The following MAP9 variants were observed in gnomAD, a reference collection of about 807,000 sequenced individuals.
MAP9 encodes microtubule-associated protein 9.
Under a neutral mutation model 75.2 loss-of-function variants are expected in MAP9, and 80 were observed. That is an observed-to-expected ratio of 1.06 (90% CI 0.89 to 1.28). The LOEUF (loss-of-function observed/expected upper bound fraction) is 1.28, where lower values mean the gene tolerates loss of function less well. MAP9 is among the 50% of genes most tolerant of loss of function. The pLI is 0.00. For synonymous variants in MAP9, 235 were observed against 237.3 expected (o/e 0.99, Z 0.09); for missense variants, 753 against 719.9 (o/e 1.05, Z -0.53).
chr4:155,371,814 T>A (rs570346710), intron 4 of MAP9, among the ~76,000 whole-genome samples: 1 of 151,940 alleles, frequency 6.6e-6, no homozygotes, highest in Non-Finnish European at 1.5e-5. Flanking sequence ...CTCAGACAAA[T>A]TTTTAGTTGC....
At chr4:155,369,542 C>T (rs142910815) in intron 4 of MAP9, among the ~76,000 whole-genome samples, 2 of 152,200 alleles carry the variant, frequency 1.3e-5, no homozygotes, top group East Asian at 3.9e-4. Context: ...TCCATCAAGC[C>T]TTTGAGTACC....
At chr4:155,356,780 A>G (rs1731809669) in intron 8 of MAP9, among the ~76,000 whole-genome samples, 1 of 152,156 alleles carries the variant, frequency 6.6e-6, no homozygotes, top group Admixed American at 6.6e-5. Flanking sequence ...TCGCCTACAA[A>G]GCCTAAAATA....
chr4:155,360,728 T>C (rs1732037387), intron 6 of MAP9, among the ~76,000 whole-genome samples: 1 of 151,912 alleles, frequency 6.6e-6, no homozygotes. Flanking sequence ...ACAAACCAAG[T>C]AAGTGAGATG....
At chr4:155,371,093 T>C (rs1001646096) in intron 4 of MAP9, among the ~76,000 whole-genome samples, 3 of 152,146 alleles carry the variant, frequency 2.0e-5, no homozygotes, top group African/African-American at 7.2e-5. Flanking sequence ...TAAAAACATA[T>C]CCTGTGAAAA....
intron 13 of MAP9, among the ~76,000 whole-genome samples, chr4:155,350,579 T>C (rs987234528): frequency 3.9e-5 from 6 of 152,018 alleles, no homozygotes; most frequent in East Asian, 1.9e-4. Flanking sequence ...TTAATATAAG[T>C]GGACTTTAAA....
chr4:155,346,834 C>T lies in MAP9; in HGVS notation c.*949G>A, dbSNP rs950931666. ...AGTATGAGACCAGTTACTACGAGGA[C>T]ATGCAGAGATCAAATAAATAAATAA... On this transcript the variant is annotated 3_prime_UTR_variant, in exon 14 of 14. Coordinates refer to ENST00000311277, the MANE Select transcript of MAP9 (RefSeq NM_001039580.2). 6.6e-6 allele frequency: 1 copy of T among 152,526 alleles called. No individual in the cohort carries two copies. The highest frequency in any genetic ancestry group is 1.5e-5 in the Non-Finnish European group (1 of 68,028). 9.4% of individuals were successfully genotyped at this position (152,526 alleles called of 1,614,324 possible).
chr4:155,367,274 A>C (rs1387456637), intron 5 of MAP9: 1 of 152,252 alleles, frequency 6.6e-6, no homozygotes, highest in Non-Finnish European at 1.5e-5. Context: ...ACATGCAGAG[A>C]AAACACAGGG....
chr4:155,361,449 T>C (rs1732075397), intron 6 of MAP9: 1 of 152,076 alleles, frequency 6.6e-6, no homozygotes, highest in Admixed American at 6.6e-5. Context: ...GTCTTTTAGG[T>C]TTCATTAAGC....
chr4:155,367,413 C>T (rs886209223), intron 5 of MAP9: 7 of 152,218 alleles, frequency 4.6e-5, no homozygotes, highest in South Asian at 2.1e-4. Context: ...AGGATTCTTC[C>T]GTGATGCCTT....
intron 5 of MAP9, chr4:155,362,450 T>G (rs1036480331): frequency 2.0e-5 from 4 of 195,370 alleles, no homozygotes; most frequent in African/African-American, 9.3e-5. Flanking sequence ...ATCACATTTC[T>G]TATAAATATT....
Position 155,352,579 on chromosome 4 carries a change from T to C in MAP9, c.1821+17A>G. On this transcript the variant is annotated intron_variant, in intron 13 of 13. Coordinates refer to ENST00000311277, the MANE Select transcript of MAP9 (RefSeq NM_001039580.2). Reference sequence around the variant, plus strand: ...GTACATGAAAAAGACGAAAGTGCATTGACAAATAATACCTACCAGCCATTT... The same window carrying C: ...GTACATGAAAAAGACGAAAGTGCATCGACAAATAATACCTACCAGCCATTT... 6.4e-7 allele frequency: 1 copy of C among 1,570,732 alleles called. No homozygotes were observed. Among genetic ancestry groups the C allele is most frequent in the Non-Finnish European group, 8.6e-7 (1 of 1,159,516 alleles).
At chr4:155,349,464 A>G (rs948914301) in intron 13 of MAP9, 2 of 152,130 alleles carry the variant, frequency 1.3e-5, no homozygotes, top group African/African-American at 2.4e-5. Flanking sequence ...TTAGGTATGT[A>G]TGCATCTTTT....
At chr4:155,363,832 A>G (rs1015452151) in intron 5 of MAP9, among the ~76,000 whole-genome samples, 9 of 152,184 alleles carry the variant, frequency 5.9e-5, no homozygotes, top group East Asian at 1.9e-4. Flanking sequence ...AGGAAAAAAG[A>G]TTTAAGAAAT....
At chr4:155,354,409 A>T (rs1047235567) in intron 10 of MAP9, 1 of 152,138 alleles carries the variant, frequency 6.6e-6, no homozygotes, top group African/African-American at 2.4e-5. Flanking sequence ...ATAAAATTCA[A>T]GAGAGAAAAG....
intron 5 of MAP9, chr4:155,368,307 G>A (rs1476530612): frequency 3.7e-6 from 2 of 546,566 alleles, no homozygotes; most frequent in Non-Finnish European, 6.4e-6. Flanking sequence ...CTCTAAAACT[G>A]GATAAACTCT....
At chr4:155,372,428 T>C (rs1732641572) in intron 4 of MAP9, among the ~76,000 whole-genome samples, 1 of 152,230 alleles carries the variant, frequency 6.6e-6, no homozygotes, top group Non-Finnish European at 1.5e-5. Context: ...GCCCAGGGTA[T>C]GTGACAGGAC....
intron 13 of MAP9, among the ~76,000 whole-genome samples, chr4:155,352,141 T>C (rs778995362): frequency 6.6e-6 from 1 of 151,948 alleles, no homozygotes; most frequent in Non-Finnish European, 1.5e-5. Context: ...AATTCCTAAA[T>C]AAGAGATTCT....
rs559982232 is a variant in MAP9, at chr4:155,374,767, T to TA, written c.160+169dup. 8.2e-4 allele frequency among the ~76,000 whole-genome samples: 125 copies of TA among 152,290 alleles called. 3 individuals carry two copies. The South Asian group carries it at 0.025, about 31-fold the overall frequency. ...GAAAATCATACAACTTCCTGAAAAT[T>TA]AAGAGTGGCTTTCTACTAATTAAAA... On this transcript the variant is annotated intron_variant, in intron 3 of 13. Coordinates refer to ENST00000311277, the MANE Select transcript of MAP9 (RefSeq NM_001039580.2).
At chr4:155,350,128 C>A in intron 13 of MAP9, 2 of 296,618 alleles carry the variant, frequency 6.7e-6, no homozygotes, top group Non-Finnish European at 6.5e-6. Flanking sequence ...AAGCAATTAC[C>A]CACCAAATGC....
Sources: allele counts gnomAD v4.1 joint callset (sites outside exome capture counted in the v4.1 genomes callset), GRCh38; gene constraint gnomAD v4.1.1; transcripts MANE v1.5; gene names NCBI Gene and HGNC (gene_info 2026-07-23, HGNC 2026-07-21).